Variants in NUBPL observed in about 807,000 individuals in gnomAD.
NUBPL encodes NUBP iron-sulfur cluster assembly factor, mitochondrial, also known as iron-sulfur cluster transfer protein NUBPL.
NUBPL carries 31 observed loss-of-function variants against 45.7 expected under a neutral mutation model. The ratio of observed to expected loss-of-function variants is 0.68; its 90% CI spans 0.51 to 0.92. The LOEUF is 0.92. Among genes scored for constraint, NUBPL ranks in the 40% least tolerant of loss-of-function variants. NUBPL has a pLI of 0.00. For synonymous variants in NUBPL, 144 were observed against 140.9 expected (o/e 1.02, Z -0.15); for missense variants, 401 against 398.7 (o/e 1.01, Z -0.05).
rs370926284 is a variant in NUBPL, at chr14:31,661,560, G to T, written c.383-11795G>T. Among the ~76,000 whole-genome samples the T allele has an allele frequency of 1.5e-4, 23 of 152,116 alleles. No homozygotes were observed. In the East Asian group the frequency reaches 2.7e-3, roughly 18 times the overall value. The stretch of plus-strand genomic sequence containing the variant: ...TTCTGGTAATTTTTTGTTTTTCTCC[G>T]AGACGGAGTCTCGCACTGTCACCCA... On this transcript the variant is annotated intron_variant, in intron 4 of 10. Transcript: ENST00000281081.
At chr14:31,833,629 A>G in intron 8 of NUBPL, among the ~76,000 whole-genome samples, 1 of 152,226 alleles carries the variant, frequency 6.6e-6, no homozygotes, top group East Asian at 1.9e-4. Flanking sequence ...CAGTACCATT[A>G]CAGTAGATGA....
chr14:31,767,863 A>G (rs1410480061), intron 6 of NUBPL, among the ~76,000 whole-genome samples: 1 of 152,202 alleles, frequency 6.6e-6, no homozygotes, highest in African/African-American at 2.4e-5. Flanking sequence ...GGCAAGAGTG[A>G]GAACATGTCT....
At chr14:31,735,126 T>C (rs935728841) in intron 6 of NUBPL, among the ~76,000 whole-genome samples, 13 of 152,232 alleles carry the variant, frequency 8.5e-5, no homozygotes, top group African/African-American at 3.1e-4. Context: ...TAAAAATGTC[T>C]GTAGACGTTA....
chr14:31,820,139 CAAA>C (rs59044182), intron 7 of NUBPL, among the ~76,000 whole-genome samples: 1 of 111,592 alleles, frequency 9.0e-6, no homozygotes. Context: ...GACTCCATCT[CAAA>C]AAAAAAAAAA....
At chr14:31,570,813 A>G (rs1021644622) in intron 3 of NUBPL, among the ~76,000 whole-genome samples, 1 of 152,232 alleles carries the variant, frequency 6.6e-6, no homozygotes, top group Non-Finnish European at 1.5e-5. Flanking sequence ...AAAATGAATG[A>G]GACACAGAAT....
chr14:31,822,534 A>G (rs570471476), intron 7 of NUBPL, among the ~76,000 whole-genome samples: 60 of 152,228 alleles, frequency 3.9e-4, no homozygotes, highest in African/African-American at 1.4e-3. Flanking sequence ...CAAAAGAGGT[A>G]GTGATTTATG....
chr14:31,649,104 T>C (rs964201306), intron 4 of NUBPL, among the ~76,000 whole-genome samples: 2 of 152,202 alleles, frequency 1.3e-5, no homozygotes, highest in Admixed American at 6.5e-5. Context: ...CCAATGCTCC[T>C]GGCCCCAAGT....
intron 6 of NUBPL, among the ~76,000 whole-genome samples, chr14:31,686,285 C>T (rs2036951387): frequency 6.6e-6 from 1 of 152,064 alleles, no homozygotes; most frequent in Admixed American, 6.6e-5. Context: ...GAGTGGAACA[C>T]TGAAGTCCTG....
chr14:31,728,321 A>ATTC (rs2037971614), intron 6 of NUBPL, among the ~76,000 whole-genome samples: 1 of 151,840 alleles, frequency 6.6e-6, no homozygotes, highest in Non-Finnish European at 1.5e-5. Context: ...TATTATTATT[A>ATTC]TTATTGTTAA....
intron 4 of NUBPL, among the ~76,000 whole-genome samples, chr14:31,668,140 C>T (rs183557124): frequency 3.9e-5 from 6 of 152,342 alleles, no homozygotes; most frequent in African/African-American, 1.4e-4. Context: ...ATGTTTAAGT[C>T]AGCTGAAGCT....
At chr14:31,672,208 C>A (rs950684369) in intron 4 of NUBPL, among the ~76,000 whole-genome samples, 2 of 150,780 alleles carry the variant, frequency 1.3e-5, no homozygotes, top group African/African-American at 4.9e-5. Flanking sequence ...GATTTTTATA[C>A]TTTTTAAGCT....
chr14:31,673,255 A>T, intron 4 of NUBPL, 100 bp from the exon 5 acceptor site: 1 of 980,600 alleles, frequency 1.0e-6, no homozygotes, highest in Non-Finnish European at 1.5e-6. Flanking sequence ...AATTTTTGTT[A>T]ATTAAAAAAA....
chr14:31,618,393 C>G (rs1422957540), intron 4 of NUBPL, among the ~76,000 whole-genome samples: 2 of 152,188 alleles, frequency 1.3e-5, no homozygotes, highest in Non-Finnish European at 2.9e-5. Context: ...ATCTTTCCTG[C>G]TTTCTCTTTT....
intron 6 of NUBPL, among the ~76,000 whole-genome samples, chr14:31,731,845 A>T (rs4981122): frequency 0.3 from 44,885 of 151,996 alleles, 7,485 homozygotes; most frequent in South Asian, 0.41. Flanking sequence ...AATGTATAAC[A>T]TAAAGGAAGG....
intron 4 of NUBPL, among the ~76,000 whole-genome samples, chr14:31,622,374 G>T (rs192697679): frequency 6.6e-6 from 1 of 152,016 alleles, no homozygotes; most frequent in Admixed American, 6.5e-5. Flanking sequence ...TCGTTTTTTT[G>T]GGGGGAGAAA....
At chr14:31,623,307 C>G (rs2035117267) in intron 4 of NUBPL, among the ~76,000 whole-genome samples, 1 of 152,188 alleles carries the variant, frequency 6.6e-6, no homozygotes, top group Non-Finnish European at 1.5e-5. Context: ...GTGGAAGGGA[C>G]TTGCCTTGGC....
At chr14:31,859,035 T>G (rs886580521) in intron 10 of NUBPL, 83 bp from the exon 11 acceptor site, 1 of 1,145,006 alleles carries the variant, frequency 8.7e-7, no homozygotes, top group African/African-American at 1.5e-5. Context: ...TCAAATACAG[T>G]GGGCCTCTAT....
At chr14:31,695,089 G>C (rs1318335751) in intron 6 of NUBPL, among the ~76,000 whole-genome samples, 1 of 152,170 alleles carries the variant, frequency 6.6e-6, no homozygotes, top group African/African-American at 2.4e-5. Flanking sequence ...CCATCAGGTT[G>C]GTAATAGTGT....
chr14:31,727,759 A>T (rs2037957670), intron 6 of NUBPL, among the ~76,000 whole-genome samples: 1 of 152,194 alleles, frequency 6.6e-6, no homozygotes, highest in African/African-American at 2.4e-5. Context: ...AGCAAGTTCT[A>T]ATAAATCCAA....
Sources: gnomAD v4.1 joint callset for allele counts (sites outside exome capture counted in the v4.1 genomes callset) on GRCh38, gnomAD v4.1.1 for gene constraint, MANE v1.5 for transcripts, NCBI Gene and HGNC (gene_info 2026-07-23, HGNC 2026-07-21) for gene names.